CHST11: variants seen among roughly 807,000 people sequenced by gnomAD.
The protein encoded by CHST11 is C4S-1.
In CHST11, 9 loss-of-function variants were observed where a neutral mutation model predicts 30.4. That is an observed-to-expected ratio of 0.30 (90% confidence interval 0.18 to 0.52). The LOEUF (loss-of-function observed/expected upper bound fraction) is 0.52. Among genes scored for constraint, CHST11 ranks in the 20% least tolerant of loss-of-function variants. CHST11 has a pLI of 0.97. For missense variants in CHST11, 348 were observed against 460.6 expected, an observed-to-expected ratio of 0.76 and a Z score of 2.24; for synonymous variants, 152 against 187.8, an observed-to-expected ratio of 0.81 and a Z score of 1.56.
chr12:104,710,203 C>CA (rs34581324), intron 2 of CHST11, among the ~76,000 whole-genome samples: 46,636 of 151,826 alleles, frequency 0.31, 7,520 homozygotes, highest in African/African-American at 0.37. Flanking sequence ...CTGTCTCAAA[C>CA]AAAAAAAGAA....
At chr12:104,543,613 T>A (rs968209528) in intron 1 of CHST11, among the ~76,000 whole-genome samples, 4 of 152,016 alleles carry the variant, frequency 2.6e-5, no homozygotes, top group Non-Finnish European at 4.4e-5. Context: ...GGAGTATAAG[T>A]TGAGGGAAAT....
At chr12:104,479,592 A>T (rs1250550908) in intron 1 of CHST11, among the ~76,000 whole-genome samples, 2 of 152,190 alleles carry the variant, frequency 1.3e-5, no homozygotes, top group East Asian at 3.8e-4. Flanking sequence ...CAGGCATCAG[A>T]TCTTGTTTTT....
At chr12:104,502,969 G>A (rs564627854) in intron 1 of CHST11, among the ~76,000 whole-genome samples, 5 of 152,302 alleles carry the variant, frequency 3.3e-5, no homozygotes, top group South Asian at 2.1e-4. Flanking sequence ...GCTGGGATTC[G>A]GCCTTGCTAG....
In CHST11 at chr12:104,582,122, G is replaced by A. The variant is rs114689937; in HGVS notation, c.119-19784G>A. On this transcript the variant is annotated intron_variant, in intron 1 of 2. Transcript: ENST00000303694. The stretch of plus-strand genomic sequence containing the variant: ...GAGAAATTGAAATATGGAAATGTGC[G>A]CCTGAGAGTTGTGGCAGCCAATGCA... Among the ~76,000 whole-genome samples the A allele has an allele frequency of 4.5e-3, 679 of 152,282 alleles. 2 individuals are homozygous for A. Among genetic ancestry groups the A allele is most frequent in the African/African-American group, 0.016 (648 of 41,546 alleles).
chr12:104,473,659 C>T (rs1194097394), intron 1 of CHST11, among the ~76,000 whole-genome samples: 1 of 152,080 alleles, frequency 6.6e-6, no homozygotes, highest in Non-Finnish European at 1.5e-5. Context: ...TTTTTTTAGG[C>T]TCCCCTTCCT....
Position 104,690,504 on chromosome 12 carries a change from A to G in CHST11, c.205-66445A>G, listed in dbSNP as rs373301809. Among the ~76,000 whole-genome samples, 7 of 152,310 alleles carry G rather than the reference A, an allele frequency of 4.6e-5. No homozygotes were observed. The East Asian group carries it at 7.7e-4, about 17-fold the overall frequency. The stretch of plus-strand genomic sequence containing the variant: ...ATCTGAGGTCTTCCTCTGGCCAGTC[A>G]TAAAACAATGACAAACAGGCTGCTT... On this transcript the variant is annotated intron_variant, in intron 2 of 2. Transcript: ENST00000303694.
intron 2 of CHST11, among the ~76,000 whole-genome samples, chr12:104,669,116 G>C (rs2039666866): frequency 1.3e-5 from 2 of 152,198 alleles, no homozygotes; most frequent in South Asian, 4.1e-4. Flanking sequence ...CCCTCTGCAA[G>C]CACAGGCTCG....
At chr12:104,523,032 G>T (rs187063576) in intron 1 of CHST11, among the ~76,000 whole-genome samples, 5 of 152,326 alleles carry the variant, frequency 3.3e-5, no homozygotes, top group African/African-American at 9.6e-5. Flanking sequence ...TCTAATAAGA[G>T]AAGCTGTGAT....
chr12:104,660,539 C>T (rs926276832), intron 2 of CHST11, among the ~76,000 whole-genome samples: 5 of 152,144 alleles, frequency 3.3e-5, no homozygotes, highest in Non-Finnish European at 5.9e-5. Context: ...AGAGGAGGCC[C>T]GTGAAAGAGA....
At chr12:104,631,868 C>G (rs759136355) in intron 2 of CHST11, among the ~76,000 whole-genome samples, 8 of 152,200 alleles carry the variant, frequency 5.3e-5, no homozygotes, top group African/African-American at 9.7e-5. Flanking sequence ...GAAGCTGGGC[C>G]TCCCTGCTCC....
intron 2 of CHST11, among the ~76,000 whole-genome samples, chr12:104,660,320 G>C (rs1480674151): frequency 6.6e-6 from 1 of 152,206 alleles, no homozygotes; most frequent in Non-Finnish European, 1.5e-5. Context: ...CTACAGGCTG[G>C]GTTTTTAGCT....
In CHST11 at chr12:104,630,932, G is replaced by T. The variant is rs151273519; in HGVS notation, c.204+28941G>T. ...TTCTTCTGAAACAGGATCTCAGTTGGTTCAGTTTAAGAATAAGGGCCTCTC... is the reference window on the plus strand; with the variant it reads ...TTCTTCTGAAACAGGATCTCAGTTGTTTCAGTTTAAGAATAAGGGCCTCTC... On this transcript the variant is annotated intron_variant, in intron 2 of 2. Coordinates refer to ENST00000303694, the MANE Select transcript of CHST11 (RefSeq NM_018413.6). Among the ~76,000 whole-genome samples the T allele has an allele frequency of 4.8e-3, 734 of 152,280 alleles. 2 individuals are homozygous for T. The highest frequency in any genetic ancestry group is 7.6e-3 in the Non-Finnish European group (518 of 68,012).
intron 2 of CHST11, among the ~76,000 whole-genome samples, chr12:104,739,439 G>C (rs2040328968): frequency 6.6e-6 from 1 of 152,106 alleles, no homozygotes; most frequent in South Asian, 2.1e-4. Context: ...ATAACCACAG[G>C]AGGTCCGTGG....
At chr12:104,545,234 A>G (rs752853569) in intron 1 of CHST11, among the ~76,000 whole-genome samples, 14 of 152,234 alleles carry the variant, frequency 9.2e-5, no homozygotes, top group Non-Finnish European at 7.3e-5. Flanking sequence ...AGGTTTAAGG[A>G]CCATCAGGGA....
intron 1 of CHST11, among the ~76,000 whole-genome samples, chr12:104,471,615 A>T (rs1000632691): frequency 6.6e-6 from 1 of 152,210 alleles, no homozygotes; most frequent in Admixed American, 6.5e-5. Flanking sequence ...CTGTAGAGCA[A>T]CACTGTCCAG....
intron 1 of CHST11, among the ~76,000 whole-genome samples, chr12:104,572,175 C>G (rs2038633661): frequency 6.6e-6 from 1 of 151,546 alleles, no homozygotes; most frequent in South Asian, 2.1e-4. Context: ...CTAAAATTCT[C>G]TTTTTTTGTT....
intron 1 of CHST11, among the ~76,000 whole-genome samples, chr12:104,566,788 A>T (rs1420264420): frequency 2.0e-5 from 3 of 152,158 alleles, no homozygotes; most frequent in African/African-American, 7.2e-5. Context: ...CCCTAGTGTG[A>T]GTACGGCAGA....
intron 2 of CHST11, among the ~76,000 whole-genome samples, chr12:104,675,384 G>A (rs1259165566): frequency 2.6e-5 from 4 of 152,124 alleles, no homozygotes; most frequent in Admixed American, 6.5e-5. Flanking sequence ...TGCTTCAACC[G>A]TAGATTTGCC....
chr12:104,504,974 G>T (rs1441015515), intron 1 of CHST11, among the ~76,000 whole-genome samples: 1 of 152,212 alleles, frequency 6.6e-6, no homozygotes, highest in Non-Finnish European at 1.5e-5. Flanking sequence ...TTGCACTGGT[G>T]CTGAATGCAG....
Sources: allele counts gnomAD v4.1 joint callset (sites outside exome capture counted in the v4.1 genomes callset), GRCh38; gene constraint gnomAD v4.1.1; transcripts MANE v1.5; gene names NCBI Gene and HGNC (gene_info 2026-07-23, HGNC 2026-07-21).